The following GTF2E1 variants were observed in gnomAD, a reference collection of about 807,000 sequenced individuals.
GTF2E1 encodes the protein TFIIE alpha subunit.
GTF2E1 carries 14 observed loss-of-function variants against 34.9 expected under a neutral mutation model. The observed-to-expected ratio is 0.40, with a 90% CI of 0.27 to 0.63. GTF2E1 has a LOEUF of 0.63. Among genes scored for constraint, GTF2E1 ranks in the 20% least tolerant of loss-of-function variants. The pLI is 0.39. For synonymous variants in GTF2E1, 188 were observed against 192.9 expected, an observed-to-expected ratio of 0.97 and a Z score of 0.21; for missense variants, 469 against 557.7, an observed-to-expected ratio of 0.84 and a Z score of 1.60.
At chr3:120,745,220 T>C (rs369461251) in intron 1 of GTF2E1, among the ~76,000 whole-genome samples, 86 of 152,284 alleles carry the variant, frequency 5.6e-4, no homozygotes, top group South Asian at 1.7e-3. Flanking sequence ...TTAATCACTT[T>C]TTATATATGA....
chr3:120,747,963 C>G (rs1359446852), intron 1 of GTF2E1, among the ~76,000 whole-genome samples: 4 of 152,024 alleles, frequency 2.6e-5, no homozygotes, highest in Non-Finnish European at 5.9e-5. Context: ...GAGATGGTAT[C>G]TCATTGTGGT....
intron 1 of GTF2E1, among the ~76,000 whole-genome samples, chr3:120,743,613 A>G (rs531244103): frequency 6.6e-6 from 1 of 152,192 alleles, no homozygotes; most frequent in Non-Finnish European, 1.5e-5. Flanking sequence ...AACACGTGAA[A>G]GGGGATGATT....
chr3:120,748,287 G>A (rs1709126729), intron 1 of GTF2E1, among the ~76,000 whole-genome samples: 2 of 151,324 alleles, frequency 1.3e-5, no homozygotes, highest in Admixed American at 1.3e-4. Context: ...GGCTTTTGTT[G>A]CCATTGCTTT....
At chr3:120,748,327 T>C (rs1407243463) in intron 1 of GTF2E1, among the ~76,000 whole-genome samples, 9 of 152,028 alleles carry the variant, frequency 5.9e-5, no homozygotes, top group African/African-American at 1.4e-4. Flanking sequence ...TCCTTGCCCA[T>C]GCCTATGTCC....
intron 4 of GTF2E1, among the ~76,000 whole-genome samples, chr3:120,778,058 A>G (rs1490722121): frequency 2.0e-5 from 3 of 152,206 alleles, no homozygotes; most frequent in Admixed American, 6.5e-5. Flanking sequence ...GTTTTAGATT[A>G]TACAGTAGTT....
chr3:120,761,480 T>A (rs1340446564), intron 2 of GTF2E1, among the ~76,000 whole-genome samples: 1 of 152,188 alleles, frequency 6.6e-6, no homozygotes, highest in Non-Finnish European at 1.5e-5. Context: ...ATGTGTTTGC[T>A]CTTGCTTCTC....
rs1466505835 is a variant in GTF2E1 at position 120,771,071 on chromosome 3, A to G, written c.650+142A>G. On this transcript the variant is annotated intron_variant, in intron 3 of 4. Coordinates refer to ENST00000283875, the MANE Select transcript of GTF2E1 (RefSeq NM_005513.3). ...TTACGTAGGTTCTCAGTTGTGCCAC[A>G]TTTGTCTGATTAACGTGTGCCTGTG... The G allele has an allele frequency of 9.7e-6, 7 of 720,784 alleles. No individual in the cohort carries two copies. In the African/African-American group the frequency reaches 1.1e-4, roughly 11 times the overall value. The allele number at this position is 720,784 out of a possible 1,614,324, so 44.6% of individuals were successfully genotyped here.
At chr3:120,745,605 G>C (rs549204690) in intron 1 of GTF2E1, among the ~76,000 whole-genome samples, 9 of 152,152 alleles carry the variant, frequency 5.9e-5, no homozygotes, top group Non-Finnish European at 1.3e-4. Context: ...CTTACAACCA[G>C]GCTTGAGAAC....
rs138000024 is a variant in GTF2E1 at position 120,780,098 on chromosome 3, T to C, written c.893-945T>C. ...GAGTTTTAAGTATGCTTAGTTTGCT[T>C]CATGAAAATAAAACTCACATTTATT... is the stretch of plus-strand genomic sequence containing the variant. On this transcript the variant is annotated intron_variant, in intron 4 of 4. Coordinates refer to ENST00000283875, the MANE Select transcript of GTF2E1 (RefSeq NM_005513.3). 3.1e-3 allele frequency among the ~76,000 whole-genome samples: 478 copies of C among 152,342 alleles called. 3 individuals are homozygous for C. The highest frequency in any genetic ancestry group is 0.014 in the South Asian group (66 of 4,830).
rs567132411 is a variant in GTF2E1 at position 120,782,751 on chromosome 3, T to C, written c.*1281T>C. On this transcript the variant is annotated 3_prime_UTR_variant, in exon 5 of 5. Transcript: ENST00000283875. ...ACATCATTGAAGGCTGTCTCTCTTTTAATTTTTGTCAGACACAGTATTTTA... is the reference window on the plus strand; with the variant it reads ...ACATCATTGAAGGCTGTCTCTCTTTCAATTTTTGTCAGACACAGTATTTTA... 3.3e-5 allele frequency: 5 copies of C among 152,338 alleles called. No homozygotes were observed. Among genetic ancestry groups the C allele is most frequent in the African/African-American group, 1.2e-4 (5 of 41,574 alleles). The allele number at this position is 152,338 out of a possible 1,614,324, so 9.4% of individuals were successfully genotyped here.
intron 1 of GTF2E1, among the ~76,000 whole-genome samples, chr3:120,748,364 T>C (rs1470181550): frequency 2.0e-5 from 3 of 152,196 alleles, no homozygotes; most frequent in Admixed American, 1.3e-4. Context: ...GGTTTTCTTC[T>C]AGGGTTTTTA....
intron 4 of GTF2E1, among the ~76,000 whole-genome samples, 166 bp from the exon 5 acceptor site, chr3:120,780,877 T>C (rs1709440686): frequency 6.6e-6 from 1 of 152,236 alleles, no homozygotes; most frequent in South Asian, 2.1e-4. Flanking sequence ...AGCTCCAGTT[T>C]GTAAGAAATA....
At chr3:120,757,252 C>G (rs1419165528) in intron 2 of GTF2E1, among the ~76,000 whole-genome samples, 1 of 152,096 alleles carries the variant, frequency 6.6e-6, no homozygotes, top group African/African-American at 2.4e-5. Flanking sequence ...ATCATAAGTT[C>G]CAGAATTGAG....
At chr3:120,753,950 A>C (rs957158169) in intron 2 of GTF2E1, among the ~76,000 whole-genome samples, 1 of 152,210 alleles carries the variant, frequency 6.6e-6, no homozygotes, top group Non-Finnish European at 1.5e-5. Flanking sequence ...CCAGGTTTTA[A>C]GTTTCTAAAA....
At chr3:120,746,107 T>TAG (rs1417296746) in intron 1 of GTF2E1, among the ~76,000 whole-genome samples, 4 of 152,194 alleles carry the variant, frequency 2.6e-5, no homozygotes, top group Non-Finnish European at 4.4e-5. Context: ...GATTGGTGTA[T>TAG]AGAGTTTCCT....
chr3:120,766,551 G>A (rs1180724618), intron 2 of GTF2E1, among the ~76,000 whole-genome samples: 3 of 151,736 alleles, frequency 2.0e-5, no homozygotes, highest in Admixed American at 1.3e-4. Flanking sequence ...CTTCTCTTAT[G>A]ATGATCTAGA....
At chr3:120,777,568 A>G (rs1203427206) in intron 4 of GTF2E1, among the ~76,000 whole-genome samples, 1 of 152,178 alleles carries the variant, frequency 6.6e-6, no homozygotes, top group Non-Finnish European at 1.5e-5. Context: ...AGCATTTAGT[A>G]TATGTATATA....
rs1007642860 is a variant in GTF2E1, at chr3:120,781,966, G to C, written c.*496G>C. On this transcript the variant is annotated 3_prime_UTR_variant, in exon 5 of 5. Transcript: ENST00000283875. ...CCTGACCTCATGATCCACCCGCCTC[G>C]GCCTCCCAAAGTGCTGTATTTTCTT... 1.3e-5 allele frequency: 2 copies of C among 153,116 alleles called. No individual in the cohort carries two copies. The highest frequency in any genetic ancestry group is 2.9e-5 in the Non-Finnish European group (2 of 68,814). The allele number at this position is 153,116 out of a possible 1,614,324, so 9.5% of individuals were successfully genotyped here.
chr3:120,781,739 A>C lies in GTF2E1; in HGVS notation c.*269A>C. On this transcript the variant is annotated 3_prime_UTR_variant, in exon 5 of 5. Coordinates refer to ENST00000283875, the MANE Select transcript of GTF2E1 (RefSeq NM_005513.3). The stretch of plus-strand genomic sequence containing the variant: ...TCTTTTTTTTTTTTTTTTGGAGATG[A>C]AGTCTCACTCTTGTACCCCAGGCTG... 1 of 292,806 alleles carries C rather than the reference A, an allele frequency of 3.4e-6. No individual in the cohort carries two copies. The allele number at this position is 292,806 out of a possible 1,614,324, so 18.1% of individuals were successfully genotyped here.
Sources: gnomAD v4.1 joint callset for allele counts (sites outside exome capture counted in the v4.1 genomes callset) on GRCh38, gnomAD v4.1.1 for gene constraint, MANE v1.5 for transcripts, NCBI Gene and HGNC (gene_info 2026-07-23, HGNC 2026-07-21) for gene names.